Variants in C16orf89 observed in about 807,000 individuals in gnomAD.
The protein encoded by C16orf89 is UPF0764 protein C16orf89.
A neutral mutation model predicts 41.5 loss-of-function variants in C16orf89; 57 were observed. The observed-to-expected ratio is 1.38, with a 90% CI of 1.11 to 1.71. The LOEUF is 1.71. Ranked by LOEUF, C16orf89 falls within the 40% of genes most tolerant of loss-of-function variation. C16orf89 has a pLI of 0.00. For missense variants in C16orf89, 575 were observed against 445.9 expected (o/e 1.29, Z -2.61); for synonymous variants, 223 against 190.6 (o/e 1.17, Z -1.40).
At chr16:5,048,782 TAAGA>T (rs1434842439) in intron 6 of C16orf89, among the ~76,000 whole-genome samples, 1 of 149,820 alleles carries the variant, frequency 6.7e-6, no homozygotes, top group Non-Finnish European at 1.5e-5. Context: ...GTGATAACAA[TAAGA>T]AAGGAAGAAA....
intron 7 of C16orf89, among the ~76,000 whole-genome samples, chr16:5,047,112 G>A (rs1353512773): frequency 2.6e-5 from 4 of 152,306 alleles, no homozygotes; most frequent in Non-Finnish European, 4.4e-5. Flanking sequence ...CAGGTGGAAT[G>A]AGGGGAGAAG....
chr16:5,061,031 C>T (rs7188929), intron 2 of C16orf89, among the ~76,000 whole-genome samples: 22,483 of 144,182 alleles, frequency 0.16, 1,877 homozygotes, highest in East Asian at 0.31. Flanking sequence ...GAAGCCAAGG[C>T]GGGCGAATCA....
intron 1 of C16orf89, among the ~76,000 whole-genome samples, chr16:5,063,867 C>A (rs1329938708): frequency 6.6e-6 from 1 of 152,218 alleles, no homozygotes; most frequent in Non-Finnish European, 1.5e-5. Context: ...TGGCTCACGC[C>A]TGTAATCCCA....
At chr16:5,045,537 C>T (rs1956279996) in intron 7 of C16orf89, among the ~76,000 whole-genome samples, 1 of 152,174 alleles carries the variant, frequency 6.6e-6, no homozygotes, top group South Asian at 2.1e-4. Flanking sequence ...GGACCCCAGC[C>T]AGGTCCGTTG....
At chr16:5,044,606 C>T (rs1221000771) in intron 7 of C16orf89, 128 bp from the exon 8 acceptor site, 23 of 1,498,432 alleles carry the variant, frequency 1.5e-5, no homozygotes, top group Non-Finnish European at 2.0e-5. Flanking sequence ...CTTTGGGAGC[C>T]TGAGGTGGGC....
rs1290494413 is a variant in C16orf89 at position 5,062,494 on chromosome 16, C to T, written c.289G>A (p.Glu97Lys). Residue 97 changes from glutamate (E) to lysine (K), a missense_variant, in exon 2 of 8, where the codon GAG becomes AAG. Physicochemically the swap from Glu to Lys is moderately conservative, Grantham distance 56. Coordinates refer to ENST00000472572, the MANE Select transcript of C16orf89 (RefSeq NM_001098514.3). The stretch of plus-strand genomic sequence containing the variant: ...CTCTGGATGGCAGCCTCCAGCTTCT[C>T]CCCCAGCATCCCCACGCGCAGGCTC... ...PLSLRVGMLG[E>K]KLEAAIQRSL... 1 of 1,614,028 alleles carries T rather than the reference C, an allele frequency of 6.2e-7. No homozygotes were observed. Among genetic ancestry groups the T allele is most frequent in the Admixed American group, 1.7e-5 (1 of 60,016 alleles).
rs1224149285 is a variant in C16orf89, at chr16:5,044,294, G to A, written c.*54C>T. 3 of 1,517,750 alleles carry A rather than the reference G, an allele frequency of 2.0e-6. No individual in the cohort carries two copies. The African/African-American group carries it at 4.2e-5, about 21-fold the overall frequency. 94.0% of individuals were successfully genotyped at this position (1,517,750 alleles called of 1,614,324 possible). ...CCGTGCCCTCCAGGATCTAAGGGAT[G>A]AGGACTAAAGGGGTCTGTTCCTCCT... is the stretch of plus-strand genomic sequence containing the variant. On this transcript the variant is annotated 3_prime_UTR_variant, in exon 8 of 8. Coordinates refer to ENST00000472572, the MANE Select transcript of C16orf89 (RefSeq NM_001098514.3).
chr16:5,065,256 A>G (rs1366635727), intron 1 of C16orf89, among the ~76,000 whole-genome samples: 5 of 152,264 alleles, frequency 3.3e-5, no homozygotes, highest in African/African-American at 9.6e-5. Context: ...TTTTTGCAGA[A>G]CCTTCAGGAG....
In C16orf89 at chr16:5,044,489, G is replaced by C; in HGVS notation, c.956-11C>G. 1.2e-6 allele frequency: 2 copies of C among 1,611,512 alleles called. No homozygotes were observed. The highest frequency in any genetic ancestry group is 1.7e-6 in the Non-Finnish European group (2 of 1,179,182). ...GGGAGGAGCAGCCATCTAGGGGAGA[G>C]AGCCCCCATGAGTGCTGGGTGGCAA... On this transcript the variant is annotated splice_polypyrimidine_tract_variant and intron_variant, in intron 7 of 7. Coordinates refer to ENST00000472572, the MANE Select transcript of C16orf89 (RefSeq NM_001098514.3).
intron 6 of C16orf89, among the ~76,000 whole-genome samples, chr16:5,052,060 C>T (rs146750476): frequency 7.4e-6 from 1 of 135,478 alleles, no homozygotes; most frequent in South Asian, 2.3e-4. Flanking sequence ...CAAGACTGTG[C>T]TACGGCACAC....
chr16:5,060,434 A>C lies in C16orf89; in HGVS notation c.361T>G (p.Phe121Val). 6 of 1,611,412 alleles carry C rather than the reference A, an allele frequency of 3.7e-6. No homozygotes were observed. The highest frequency in any genetic ancestry group is 5.1e-6 in the Non-Finnish European group (6 of 1,178,714). ...KLSDPKYLRE[F>V]QLTLQPGFWK... ...AACCCGGGCTGGAGGGTCAGCTGGA[A>C]CTCTGGCAGAGAGGACAGATAGATG... is the stretch of plus-strand genomic sequence containing the variant. Residue 121 changes from phenylalanine to valine, a missense_variant and splice_region_variant, in exon 3 of 8, where the codon TTC becomes GTC. By Grantham distance (50) the Phe-to-Val change is conservative (BLOSUM62 -1). Transcript: ENST00000472572.
chr16:5,049,420 T>C (rs1242763944), intron 6 of C16orf89, among the ~76,000 whole-genome samples: 1 of 152,212 alleles, frequency 6.6e-6, no homozygotes, highest in Non-Finnish European at 1.5e-5. Context: ...CATCAGCACA[T>C]GGAACAGTCT....
At chr16:5,062,704 AG>A in intron 1 of C16orf89, 130 bp from the exon 2 acceptor site, 2 of 1,055,926 alleles carry the variant, frequency 1.9e-6, no homozygotes, top group Non-Finnish European at 2.7e-6. Flanking sequence ...CAGCACTCAG[AG>A]GGGAAGGATT....
intron 6 of C16orf89, among the ~76,000 whole-genome samples, chr16:5,049,911 G>A (rs1596686301): frequency 6.6e-6 from 1 of 152,092 alleles, no homozygotes; most frequent in South Asian, 2.1e-4. Context: ...GAAACAAAAA[G>A]TTGGTTTTTA....
intron 1 of C16orf89, among the ~76,000 whole-genome samples, chr16:5,064,152 T>A (rs1391090379): frequency 1.3e-5 from 2 of 151,696 alleles, no homozygotes; most frequent in African/African-American, 4.8e-5. Context: ...ATAATAATAA[T>A]AAATAAAAAA....
intron 7 of C16orf89, among the ~76,000 whole-genome samples, chr16:5,045,463 G>T (rs931964391): frequency 6.6e-6 from 1 of 152,164 alleles, no homozygotes; most frequent in Non-Finnish European, 1.5e-5. Context: ...CTCACAATCT[G>T]TCTGCTTGTG....
intron 1 of C16orf89, among the ~76,000 whole-genome samples, chr16:5,064,048 C>T (rs945144743): frequency 6.6e-6 from 1 of 152,060 alleles, no homozygotes; most frequent in African/African-American, 2.4e-5. Flanking sequence ...ATCGCTTGAA[C>T]CTGGAGGTGG....
chr16:5,064,966 T>C (rs1206877474), intron 1 of C16orf89, among the ~76,000 whole-genome samples: 2 of 152,206 alleles, frequency 1.3e-5, no homozygotes, highest in African/African-American at 4.8e-5. Context: ...TGTGCCCACA[T>C]TGAGCAGATA....
At chr16:5,051,622 G>C (rs1347743974) in intron 6 of C16orf89, among the ~76,000 whole-genome samples, 1 of 152,080 alleles carries the variant, frequency 6.6e-6, no homozygotes, top group Non-Finnish European at 1.5e-5. Context: ...AAATATCCAT[G>C]CTACCGAAGT....
Sources: gnomAD v4.1 joint callset for allele counts (sites outside exome capture counted in the v4.1 genomes callset) on GRCh38, gnomAD v4.1.1 for gene constraint, MANE v1.5 for transcripts, NCBI Gene and HGNC (gene_info 2026-07-23, HGNC 2026-07-21) for gene names.